BRCA2: variants seen among roughly 807,000 people sequenced by gnomAD.
The protein encoded by BRCA2 is BRCA2 DNA repair associated.
A neutral mutation model predicts 276.7 loss-of-function variants in BRCA2; 203 were observed. The observed-to-expected ratio is 0.73, with a 90% CI of 0.65 to 0.82. The LOEUF (loss-of-function observed/expected upper bound fraction) is 0.82, where lower values mean the gene tolerates loss of function less well. Ranked by LOEUF, BRCA2 falls within the 40% of genes least tolerant of loss-of-function variation. The pLI, the probability that BRCA2 is intolerant of heterozygous loss-of-function variation, is 0.00. For missense variants in BRCA2, 3,920 were observed against 3,915.0 expected (o/e 1.00, Z -0.03); for synonymous variants, 1,289 against 1,338.4 (o/e 0.96, Z 0.81).
chr13:32,336,068 C>T (rs1294181828), intron 10 of BRCA2, among the ~76,000 whole-genome samples, 197 bp from the exon 11 acceptor site: 27 of 151,806 alleles, frequency 1.8e-4, no homozygotes, highest in Admixed American at 1.8e-3. Context: ...TTCATAGAGT[C>T]ATGGTCTCAC....
At chr13:32,345,033 G>C (rs1401842867) in intron 12 of BRCA2, among the ~76,000 whole-genome samples, 1 of 152,044 alleles carries the variant, frequency 6.6e-6, no homozygotes, top group African/African-American at 2.4e-5. Flanking sequence ...AGTTTAAGTA[G>C]TAGAAAGCTG....
At chr13:32,326,727 A>G (rs1593887680) in intron 7 of BRCA2, 114 bp downstream of exon 7, 2 of 776,108 alleles carry the variant, frequency 2.6e-6, no homozygotes, top group East Asian at 5.3e-5. Context: ...AATGTCTTTG[A>G]TAAGTGTGTT....
rs1174303167 is a variant in BRCA2, at chr13:32,362,564, C to T, written c.7847C>T (p.Ser2616Phe). The change falls in exon 17 of 27, where the codon TCT (serine) becomes TTT (phenylalanine). Residue 2616 changes from serine to phenylalanine, a missense_variant. Ser to Phe is a radical substitution (Grantham distance 155). Coordinates refer to ENST00000380152, the MANE Select transcript of BRCA2 (RefSeq NM_000059.4). ...DTPGVDPKLI[S>F]RIWVYNHYRW... ...CCAGGTGTGGATCCAAAGCTTATTT[C>T]TAGAATTTGGGTTTATAATCACTAT... 6.2e-7 allele frequency: 1 copy of T among 1,613,866 alleles called. No homozygotes were observed. The highest frequency in any genetic ancestry group is 2.2e-5 in the East Asian group (1 of 44,876).
chr13:32,348,188 G>A (rs1009534251), intron 13 of BRCA2, among the ~76,000 whole-genome samples: 2 of 151,970 alleles, frequency 1.3e-5, no homozygotes, highest in African/African-American at 2.4e-5. Flanking sequence ...AATGAAAAAA[G>A]GTATGAAAAG....
In BRCA2 at chr13:32,333,138, T is replaced by C. The variant is rs786202149; in HGVS notation, c.1660T>C (p.Cys554Arg). 1 of 1,614,152 alleles carries C rather than the reference T, an allele frequency of 6.2e-7. No individual in the cohort carries two copies. ...TVCSQKEDSLCPNLIDNGSWP... is the reference protein window; with the variant it reads ...TVCSQKEDSLRPNLIDNGSWP... ...TTGCTCACAGAAGGAGGACTCCTTA[T>C]GTCCAAATTTAATTGATAATGGAAG... Residue 554 changes from cysteine (C) to arginine (R), a missense_variant, in exon 10 of 27, where the codon TGT (cysteine) becomes CGT (arginine). Coordinates refer to ENST00000380152, the MANE Select transcript of BRCA2 (RefSeq NM_000059.4).
Position 32,384,897 on chromosome 13 carries a change from C to T in BRCA2, c.9256+4752C>T, listed in dbSNP as rs1017400720. On this transcript the variant is annotated intron_variant, in intron 24 of 26. Transcript: ENST00000380152. ...GAAGTGCTGGAGAACTTGAAAGAAG[C>T]TGAAGACTTAATCCAGAAAGAAGAT... 7 of 314,546 alleles carry T rather than the reference C, an allele frequency of 2.2e-5. No individual in the cohort carries two copies. The Admixed American group carries it at 2.6e-4, about 12-fold the overall frequency. 19.5% of individuals were successfully genotyped at this position (314,546 alleles called of 1,614,324 possible).
chr13:32,343,781 A>G (rs1460166169), intron 11 of BRCA2, among the ~76,000 whole-genome samples: 1 of 152,130 alleles, frequency 6.6e-6, no homozygotes, highest in Non-Finnish European at 1.5e-5. Context: ...TCATTTCTGT[A>G]ACATATAAGT....
intron 24 of BRCA2, among the ~76,000 whole-genome samples, chr13:32,384,206 C>A (rs577701136): frequency 2.0e-5 from 3 of 152,294 alleles, no homozygotes; most frequent in Admixed American, 2.0e-4. Context: ...TCTGCCTCAT[C>A]TCAGCCTCCA....
At chr13:32,324,207 G>A (rs902677291) in intron 3 of BRCA2, among the ~76,000 whole-genome samples, 3 of 152,158 alleles carry the variant, frequency 2.0e-5, no homozygotes, top group Non-Finnish European at 4.4e-5. Flanking sequence ...ACATAGGGGG[G>A]CAAACACTTA....
At chr13:32,324,228 A>C (rs1391317930) in intron 3 of BRCA2, among the ~76,000 whole-genome samples, 2 of 152,170 alleles carry the variant, frequency 1.3e-5, no homozygotes, top group Non-Finnish European at 2.9e-5. Context: ...ATCTTACCTT[A>C]GGGATCACTA....
intron 20 of BRCA2, among the ~76,000 whole-genome samples, chr13:32,373,234 G>A (rs1053185425): frequency 1.3e-5 from 2 of 151,778 alleles, no homozygotes; most frequent in Non-Finnish European, 2.9e-5. Context: ...CTCGCTGGGT[G>A]GGGTGTCTCA....
Position 32,340,790 on chromosome 13 carries a change from T to C in BRCA2, c.6435T>C (p.Asn2145=), listed in dbSNP as rs786201430. 6.3e-7 allele frequency: 1 copy of C among 1,594,084 alleles called. No homozygotes were observed. Among genetic ancestry groups the C allele is most frequent in the Non-Finnish European group, 8.5e-7 (1 of 1,174,232 alleles). ...ATGTTGAAGGTGGTTCTTCAGAAAA[T>C]AATCACTCTATTAAAGTTTCTCCAT... ...NLNVEGGSSE[N]NHSIKVSPYL... is the part of the protein sequence containing the mutation. Residue 2145 remains asparagine, a synonymous_variant, in exon 11 of 27, where the codon AAT becomes AAC. Coordinates refer to ENST00000380152, the MANE Select transcript of BRCA2 (RefSeq NM_000059.4).
At chr13:32,318,663 G>C (rs1349853214) in intron 2 of BRCA2, among the ~76,000 whole-genome samples, 1 of 151,988 alleles carries the variant, frequency 6.6e-6, no homozygotes, top group Non-Finnish European at 1.5e-5. Flanking sequence ...GGTTGGTCTC[G>C]ATCTGACCTC....
chr13:32,386,533 ATAAT>A (rs2072961972), intron 24 of BRCA2, among the ~76,000 whole-genome samples: 1 of 151,906 alleles, frequency 6.6e-6, no homozygotes, highest in African/African-American at 2.4e-5. Context: ...GTTGCATTCA[ATAAT>A]TAATGAATCA....
rs28897705 is a variant in BRCA2, at chr13:32,332,309, T to G, written c.831T>G (p.Asn277Lys). 303 of 1,606,240 alleles carry G rather than the reference T, an allele frequency of 1.9e-4. No individual in the cohort carries two copies. Among genetic ancestry groups the G allele is most frequent in the Non-Finnish European group, 2.5e-4 (298 of 1,176,744 alleles). ...GKTSGNSFKV[N>K]SCKDHIGKSM... is the part of the protein sequence containing the mutation. The stretch of plus-strand genomic sequence containing the variant: ...CATCAGGGAATTCATTTAAAGTAAA[T>G]AGCTGCAAAGACCACATTGGAAAGT... The change falls in exon 10 of 27, where the codon AAT (asparagine) becomes AAG (lysine). Residue 277 changes from asparagine to lysine, a missense_variant. By Grantham distance (94) the Asn-to-Lys change is moderately conservative. Around this residue, in one of 2 missense-constraint regions of BRCA2, gnomAD observed 3,263 missense variants for 3,156.9 expected, o/e 1.03. Coordinates refer to ENST00000380152, the MANE Select transcript of BRCA2 (RefSeq NM_000059.4).
intron 11 of BRCA2, among the ~76,000 whole-genome samples, chr13:32,341,919 T>C (rs1457422079): frequency 6.6e-6 from 1 of 151,190 alleles, no homozygotes; most frequent in Non-Finnish European, 1.5e-5. Context: ...GGGTAATATA[T>C]ACTACTTAGT....
chr13:32,354,815 A>G, intron 13 of BRCA2, 46 bp from the exon 14 acceptor site: 2 of 1,273,226 alleles, frequency 1.6e-6, no homozygotes, highest in Non-Finnish European at 2.3e-6. Flanking sequence ...CTAAATATTT[A>G]TATGTGTACT....
chr13:32,377,092 T>G (rs564561929), intron 21 of BRCA2, among the ~76,000 whole-genome samples: 1 of 152,360 alleles, frequency 6.6e-6, no homozygotes, highest in South Asian at 2.1e-4. Flanking sequence ...AAAAAACTTT[T>G]TTATTTTTAA....
intron 24 of BRCA2, among the ~76,000 whole-genome samples, chr13:32,382,837 TG>T (rs2072933074): frequency 6.6e-6 from 1 of 152,116 alleles, no homozygotes; most frequent in African/African-American, 2.4e-5. Context: ...GGAACAGCTG[TG>T]GGGCACTGTT....
Sources: gnomAD v4.1 joint callset for allele counts (sites outside exome capture counted in the v4.1 genomes callset) on GRCh38, gnomAD v4.1.1 for gene constraint, gnomAD v4.1.1 regional missense constraint, MANE v1.5 for transcripts, NCBI Gene and HGNC (gene_info 2026-07-23, HGNC 2026-07-21) for gene names.